The following JMJD1C variants were observed in gnomAD, a reference collection of about 807,000 sequenced individuals.
JMJD1C encodes the protein jumonji domain-containing protein 1C.
JMJD1C carries 31 observed loss-of-function variants against 245.3 expected under a neutral mutation model. The ratio of observed to expected loss-of-function variants is 0.13; its 90% CI spans 0.09 to 0.17. The LOEUF (loss-of-function observed/expected upper bound fraction) is 0.17. Ranked by LOEUF, JMJD1C falls within the 10% of genes least tolerant of loss-of-function variation. JMJD1C has a pLI of 1.00. For synonymous variants in JMJD1C, 1,057 were observed against 1,017.4 expected (o/e 1.04, Z -0.74); for missense variants, 2,691 against 3,000.2 (o/e 0.90, Z 2.41).
intron 1 of JMJD1C, among the ~76,000 whole-genome samples, chr10:63,447,449 AT>A (rs1351729921): frequency 3.9e-5 from 6 of 152,204 alleles, no homozygotes; most frequent in Non-Finnish European, 8.8e-5. Flanking sequence ...CTTCATTTTT[AT>A]TTTTGTCTGT....
intron 1 of JMJD1C, among the ~76,000 whole-genome samples, chr10:63,427,131 C>T (rs1318343450): frequency 6.6e-6 from 1 of 152,070 alleles, no homozygotes; most frequent in East Asian, 1.9e-4. Context: ...ATTAAGACAG[C>T]GGACAACTCA....
At chr10:63,348,289 G>A (rs1362984859) in intron 2 of JMJD1C, among the ~76,000 whole-genome samples, 5 of 151,616 alleles carry the variant, frequency 3.3e-5, no homozygotes. Flanking sequence ...TCTTAAGCAG[G>A]TATCACTGAG....
chr10:63,422,849 T>A (rs1006286823), intron 1 of JMJD1C, among the ~76,000 whole-genome samples: 1 of 152,210 alleles, frequency 6.6e-6, no homozygotes, highest in Admixed American at 6.5e-5. Context: ...TTACAAAAAT[T>A]GTGATAAGAT....
At position 63,239,552 on chromosome 10, in the gene JMJD1C, C is replaced by G. The variant is rs562209502; in HGVS notation, c.448-19569G>C. The stretch of plus-strand genomic sequence containing the variant: ...CTCCGTTTCCTGGGTTCAAGCAATT[C>G]TCCTGCCTCAGCCTCCTGAGTAGCT... On this transcript the variant is annotated intron_variant, in intron 3 of 25. Transcript: ENST00000399262. 1.5e-3 allele frequency among the ~76,000 whole-genome samples: 227 copies of G among 152,242 alleles called. 1 individual carries two copies. Among genetic ancestry groups the G allele is most frequent in the African/African-American group, 5.3e-3 (219 of 41,538 alleles).
At chr10:63,510,992 C>T (rs1954856820) in intron 1 of JMJD1C, among the ~76,000 whole-genome samples, 1 of 152,132 alleles carries the variant, frequency 6.6e-6, no homozygotes, top group African/African-American at 2.4e-5. Flanking sequence ...AATATAGCTA[C>T]CCTCAGTTTA....
intron 1 of JMJD1C, among the ~76,000 whole-genome samples, chr10:63,511,387 G>A (rs1954867420): frequency 6.6e-6 from 1 of 152,160 alleles, no homozygotes; most frequent in Non-Finnish European, 1.5e-5. Flanking sequence ...CCTCTTATAT[G>A]CAGATGTCTT....
chr10:63,490,792 A>C (rs1432536429), intron 1 of JMJD1C, among the ~76,000 whole-genome samples: 1 of 152,224 alleles, frequency 6.6e-6, no homozygotes, highest in East Asian at 1.9e-4. Flanking sequence ...GAACTCAAGA[A>C]GGGCAGGAAC....
rs143387880 is a variant in JMJD1C, at chr10:63,489,141, T to C, written n.113+32597A>G. Reference sequence around the variant, plus strand: ...GAGGCCGGGCGCAGTGGCTCACGCCTGTAATCCCAGCACTTTGGGAGGCTG... The same window carrying C: ...GAGGCCGGGCGCAGTGGCTCACGCCCGTAATCCCAGCACTTTGGGAGGCTG... On this transcript the variant is annotated intron_variant and non_coding_transcript_variant, in intron 1 of 3. Transcript: ENST00000633035. 4.5e-4 allele frequency among the ~76,000 whole-genome samples: 68 copies of C among 152,338 alleles called. No individual in the cohort carries two copies. The East Asian group carries it at 0.013, about 29-fold the overall frequency.
chr10:63,290,102 G>C (rs1376853366), intron 2 of JMJD1C, among the ~76,000 whole-genome samples: 1 of 151,904 alleles, frequency 6.6e-6, no homozygotes, highest in Admixed American at 6.6e-5. Context: ...ACCAAAAGAA[G>C]TTTGGGTCAA....
In JMJD1C at chr10:63,213,754, T is replaced by G. The variant is rs1847642427; in HGVS notation, c.2413A>C (p.Thr805Pro). 6.2e-7 allele frequency: 1 copy of G among 1,613,976 alleles called. No individual in the cohort carries two copies. The highest frequency in any genetic ancestry group is 1.3e-5 in the African/African-American group (1 of 74,914). The change falls in exon 8 of 26, where the codon ACT becomes CCT. Residue 805 changes from threonine (T) to proline (P), a missense_variant. This residue lies in a region of JMJD1C where 1,562 missense variants were observed against 1,490.7 expected (regional missense o/e 1.05). Coordinates refer to ENST00000399262, the MANE Select transcript of JMJD1C (RefSeq NM_032776.3). ...GGGTGGCCACCAAGTAAGGAGGCAG[T>G]AGGCACTCCAGGTAACACAGTGGGA... is the stretch of plus-strand genomic sequence containing the variant. Reference protein sequence around the residue: ...LLPTVLPGVPTASLLGGHPRL... With the variant: ...LLPTVLPGVPPASLLGGHPRL...
At chr10:63,270,939 A>G (rs1856221730) in intron 2 of JMJD1C, among the ~76,000 whole-genome samples, 2 of 152,170 alleles carry the variant, frequency 1.3e-5, no homozygotes, top group Non-Finnish European at 2.9e-5. Flanking sequence ...TAACCTTTAG[A>G]GCATCCAGCG....
chr10:63,488,541 TA>T (rs34776341), intron 1 of JMJD1C, among the ~76,000 whole-genome samples: 100,450 of 149,128 alleles, frequency 0.67, 35,838 homozygotes, highest in Non-Finnish European at 0.81. Context: ...AAATGAATGT[TA>T]AAAAAAAAAA....
intron 1 of JMJD1C, among the ~76,000 whole-genome samples, chr10:63,407,217 G>A (rs984123079): frequency 2.0e-5 from 3 of 151,826 alleles, no homozygotes; most frequent in African/African-American, 4.8e-5. Flanking sequence ...ATTATGGTAC[G>A]AAAAAAAGGT....
intron 2 of JMJD1C, 78 bp from the exon 3 acceptor site, chr10:63,264,842 A>T (rs769847793): frequency 5.9e-6 from 4 of 680,192 alleles, no homozygotes; most frequent in Non-Finnish European, 1.0e-5. Context: ...ACACCAATAC[A>T]ATGTATCAAT....
intron 2 of JMJD1C, among the ~76,000 whole-genome samples, chr10:63,270,314 G>T (rs1173466373): frequency 1.3e-5 from 2 of 151,776 alleles, no homozygotes; most frequent in Non-Finnish European, 2.9e-5. Flanking sequence ...TTACAGGGAC[G>T]CACCACCAAG....
chr10:63,520,601 A>G (rs2133316615), intron 1 of JMJD1C, among the ~76,000 whole-genome samples: 1 of 152,274 alleles, frequency 6.6e-6, no homozygotes. Flanking sequence ...CAAAAAATAC[A>G]GTTGTAAATC....
chr10:63,175,329 A>C (rs934654876), intron 24 of JMJD1C, among the ~76,000 whole-genome samples: 9 of 152,204 alleles, frequency 5.9e-5, no homozygotes, highest in Non-Finnish European at 1.3e-4. Context: ...ATAACCACTT[A>C]ATGTAAATAC....
chr10:63,340,191 C>A (rs1943239049), intron 2 of JMJD1C, among the ~76,000 whole-genome samples: 1 of 152,192 alleles, frequency 6.6e-6, no homozygotes, highest in Admixed American at 6.5e-5. Context: ...AATTCACAGA[C>A]AAAATGCAGG....
chr10:63,496,985 TAACATATGAAA>T (rs1358070170), intron 1 of JMJD1C, among the ~76,000 whole-genome samples: 1 of 152,202 alleles, frequency 6.6e-6, no homozygotes, highest in Non-Finnish European at 1.5e-5. Flanking sequence ...TTATAACATG[TAACATATGAAA>T]GAAACAAACC....
Sources: gnomAD v4.1 joint callset for allele counts (sites outside exome capture counted in the v4.1 genomes callset) on GRCh38, gnomAD v4.1.1 for gene constraint, gnomAD v4.1.1 regional missense constraint, MANE v1.5 for transcripts, NCBI Gene and HGNC (gene_info 2026-07-23, HGNC 2026-07-21) for gene names.